The following STAG1 variants were observed in gnomAD, a reference collection of about 807,000 sequenced individuals.
STAG1 encodes the protein cohesin subunit SA-1.
In STAG1, 26 loss-of-function variants were observed where a neutral mutation model predicts 170.9. That is an observed-to-expected ratio of 0.15 (90% CI 0.11 to 0.21). STAG1 has a LOEUF of 0.21. Among genes scored for constraint, STAG1 ranks in the 10% least tolerant of loss-of-function variants. The pLI is 1.00. For synonymous variants in STAG1, 514 were observed against 497.7 expected, an observed-to-expected ratio of 1.03 and a Z score of -0.44; for missense variants, 964 against 1,509.5, an observed-to-expected ratio of 0.64 and a Z score of 5.99.
chr3:136,377,796 C>A (rs752155587), intron 22 of STAG1, 44 bp from the exon 23 acceptor site: 5 of 1,506,956 alleles, frequency 3.3e-6, no homozygotes, highest in Non-Finnish European at 4.6e-6. Context: ...TACAGGATCA[C>A]AGAAAACTGA....
intron 4 of STAG1, among the ~76,000 whole-genome samples, chr3:136,579,241 T>G (rs964591520): frequency 6.6e-6 from 1 of 152,230 alleles, no homozygotes; most frequent in Non-Finnish European, 1.5e-5. Flanking sequence ...TCAAAGCAAG[T>G]TGTTACCTGA....
chr3:136,590,584 A>C (rs1301866803), intron 4 of STAG1, among the ~76,000 whole-genome samples: 3 of 152,206 alleles, frequency 2.0e-5, no homozygotes, highest in Non-Finnish European at 4.4e-5. Context: ...TTTATGCTTG[A>C]ATAACCTAAA....
At chr3:136,350,950 TC>T (rs1936412699) in intron 28 of STAG1, among the ~76,000 whole-genome samples, 1 of 152,160 alleles carries the variant, frequency 6.6e-6, no homozygotes, top group African/African-American at 2.4e-5. Context: ...AGAAGAACCT[TC>T]CTGGAGTCAT....
intron 16 of STAG1, among the ~76,000 whole-genome samples, chr3:136,427,585 A>G (rs1167688029): frequency 6.6e-6 from 1 of 152,124 alleles, no homozygotes; most frequent in Admixed American, 6.6e-5. Context: ...GAAAAAAATT[A>G]AATTGCTTGA....
Position 136,444,984 on chromosome 3 carries a change from T to A in STAG1, c.1429-1580A>T, listed in dbSNP as rs149011919. 7.3e-5 allele frequency among the ~76,000 whole-genome samples: 11 copies of A among 151,324 alleles called. 1 individual carries two copies. The highest frequency in any genetic ancestry group is 2.0e-4 in the Admixed American group (3 of 15,218). ...CAAGTGATCCTCCGAACTTAGCCCC[T>A]GGAGTAGCTGGGACTATAGGAGTGT... On this transcript the variant is annotated intron_variant, in intron 14 of 33. Coordinates refer to ENST00000383202, the MANE Select transcript of STAG1 (RefSeq NM_005862.3).
intron 22 of STAG1, among the ~76,000 whole-genome samples, chr3:136,392,787 A>G (rs2087047324): frequency 6.8e-6 from 1 of 146,664 alleles, no homozygotes; most frequent in Non-Finnish European, 1.5e-5. Flanking sequence ...AAAAAAAAAG[A>G]AAAGAAAATA....
chr3:136,525,789 T>C (rs1376640833), intron 6 of STAG1, among the ~76,000 whole-genome samples: 1 of 152,236 alleles, frequency 6.6e-6, no homozygotes, highest in African/African-American at 2.4e-5. Flanking sequence ...GATTCTGGTA[T>C]GTTGTGCCTT....
chr3:136,615,381 T>TTG, intron 3 of STAG1, among the ~76,000 whole-genome samples: 1 of 131,202 alleles, frequency 7.6e-6, no homozygotes, highest in Non-Finnish European at 1.5e-5. Context: ...TGAGCTGAGA[T>TTG]CGTGTCACTG....
intron 23 of STAG1, among the ~76,000 whole-genome samples, chr3:136,376,929 T>C (rs1937629942): frequency 6.6e-6 from 1 of 151,662 alleles, no homozygotes; most frequent in South Asian, 2.1e-4. Flanking sequence ...TAGCTGGGAT[T>C]ACAGGCGCCT....
chr3:136,470,575 T>G (rs1345164365), intron 12 of STAG1, among the ~76,000 whole-genome samples: 1 of 152,222 alleles, frequency 6.6e-6, no homozygotes, highest in African/African-American at 2.4e-5. Flanking sequence ...GAAGACAGTG[T>G]GGCGATTCCT....
intron 25 of STAG1, among the ~76,000 whole-genome samples, chr3:136,364,084 TG>T (rs1237000395): frequency 6.8e-6 from 1 of 147,744 alleles, no homozygotes; most frequent in East Asian, 2.1e-4. Context: ...TTTTTGTTTT[TG>T]CTTTTATTTG....
chr3:136,366,053 T>A lies in STAG1; in HGVS notation c.2685+890A>T, dbSNP rs532803446. Among the ~76,000 whole-genome samples, 4 of 152,074 alleles carry A rather than the reference T, an allele frequency of 2.6e-5. No homozygotes were observed. The South Asian group carries it at 8.3e-4, about 32-fold the overall frequency. ...TCTCTCTCTATATTTGGTGTTAGGT[T>A]AGTAATTTATGCATCTATCACTACA... is the stretch of plus-strand genomic sequence containing the variant. On this transcript the variant is annotated intron_variant, in intron 25 of 33. Transcript: ENST00000383202.
intron 28 of STAG1, among the ~76,000 whole-genome samples, chr3:136,350,739 G>C (rs1394170522): frequency 1.3e-5 from 2 of 152,218 alleles, no homozygotes; most frequent in Non-Finnish European, 2.9e-5. Context: ...CTGGAGAGAG[G>C]AGTGAGGAGG....
intron 26 of STAG1, 63 bp downstream of exon 26, chr3:136,363,302 TA>T: frequency 1.2e-6 from 1 of 831,488 alleles, no homozygotes. Context: ...TAGCAAATAT[TA>T]AGCACAGAGA....
rs150728534 is a variant in STAG1 at position 136,473,554 on chromosome 3, G to A, written c.1110C>T (p.Phe370=). The change falls in exon 11 of 34, where the codon TTC becomes TTT. Residue 370 remains phenylalanine (F), a synonymous_variant. Transcript: ENST00000383202. ...NRELFPKLEL[F]TNRFKDRIVS... Reference sequence around the variant, plus strand: ...TGATGCTTACCTTGAATCGGTTAGTGAATAGTTCCAATTTGGGGAATAATT... The same window carrying A: ...TGATGCTTACCTTGAATCGGTTAGTAAATAGTTCCAATTTGGGGAATAATT... 33 of 1,610,074 alleles carry A rather than the reference G, an allele frequency of 2.0e-5. 1 individual carries two copies. In the African/African-American group the frequency reaches 4.0e-4, roughly 20 times the overall value.
At chr3:136,514,540 G>A (rs965861008) in intron 7 of STAG1, among the ~76,000 whole-genome samples, 1 of 152,158 alleles carries the variant, frequency 6.6e-6, no homozygotes, top group Non-Finnish European at 1.5e-5. Context: ...AATATCATTT[G>A]ACCCAGCGAT....
intron 26 of STAG1, among the ~76,000 whole-genome samples, chr3:136,362,557 C>T (rs564430640): frequency 9.9e-5 from 13 of 131,270 alleles, no homozygotes; most frequent in African/African-American, 3.8e-4. Flanking sequence ...CACTTGAGGC[C>T]GAGGAGTTTG....
chr3:136,704,821 C>CAAAAAA (rs67207510), intron 1 of STAG1, among the ~76,000 whole-genome samples: 166 of 51,210 alleles, frequency 3.2e-3, no homozygotes, highest in East Asian at 4.2e-3. Context: ...GTCCCTGTCT[C>CAAAAAA]AAAAAAAAAA....
At chr3:136,580,119 C>T (rs1937559852) in intron 4 of STAG1, among the ~76,000 whole-genome samples, 1 of 151,758 alleles carries the variant, frequency 6.6e-6, no homozygotes, top group Non-Finnish European at 1.5e-5. Flanking sequence ...AGGCGTGCAC[C>T]ACCACGCACA....
Sources: gnomAD v4.1 joint callset for allele counts (sites outside exome capture counted in the v4.1 genomes callset) on GRCh38, gnomAD v4.1.1 for gene constraint, MANE v1.5 for transcripts, NCBI Gene and HGNC (gene_info 2026-07-23, HGNC 2026-07-21) for gene names.